CHD1L: variants seen among roughly 807,000 people sequenced by gnomAD.
CHD1L encodes chromodomain helicase DNA binding protein 1 like.
In CHD1L, 118 loss-of-function variants were observed where a neutral mutation model predicts 115.9. That is an observed-to-expected ratio of 1.02 (90% CI 0.88 to 1.19). The LOEUF (loss-of-function observed/expected upper bound fraction) is 1.19, where lower values mean the gene tolerates loss of function less well. Ranked by LOEUF, CHD1L falls within the 50% of genes most tolerant of loss-of-function variation. The pLI is 0.00. For missense variants in CHD1L, 1,179 were observed against 1,065.3 expected (o/e 1.11, Z -1.49); for synonymous variants, 411 against 387.1 (o/e 1.06, Z -0.72).
chr1:147,187,278 CAA>C, the CHD1L span: 1 of 1,483,346 alleles, frequency 6.7e-7, no homozygotes, highest in South Asian at 1.3e-5. Flanking sequence ...CATGGCCTGT[CAA>C]TAATTCAATC....
At chr1:147,276,637 T>C (rs1553958155) in intron 14 of CHD1L, among the ~76,000 whole-genome samples, 1 of 152,210 alleles carries the variant, frequency 6.6e-6, no homozygotes, top group African/African-American at 2.4e-5. Context: ...GTGACTTACA[T>C]TACTTCATAC....
the CHD1L span, among the ~76,000 whole-genome samples, chr1:147,185,699 C>A: frequency 6.6e-6 from 1 of 152,148 alleles, no homozygotes; most frequent in African/African-American, 2.4e-5. Context: ...AAGCAGCAAT[C>A]CAAATACAAA....
At chr1:147,227,062 C>G in the CHD1L span, among the ~76,000 whole-genome samples, 1 of 152,172 alleles carries the variant, frequency 6.6e-6, no homozygotes, top group Non-Finnish European at 1.5e-5. Context: ...CTCCTGGGCT[C>G]AAGTGATCCA....
At chr1:147,266,298 C>T (rs1466804509) in intron 8 of CHD1L, among the ~76,000 whole-genome samples, 1 of 152,082 alleles carries the variant, frequency 6.6e-6, no homozygotes, top group Admixed American at 6.5e-5. Flanking sequence ...TTCCTTTTCT[C>T]CCCTCACTCA....
At chr1:147,276,844 A>G (rs188485034) in intron 14 of CHD1L, among the ~76,000 whole-genome samples, 303 of 152,222 alleles carry the variant, frequency 2.0e-3, no homozygotes, top group Middle Eastern at 3.4e-3. Flanking sequence ...TAAAACTCAT[A>G]ATATTTCCTG....
chr1:147,192,974 T>G, the CHD1L span, among the ~76,000 whole-genome samples: 1 of 152,142 alleles, frequency 6.6e-6, no homozygotes, highest in Non-Finnish European at 1.5e-5. Flanking sequence ...TAAAATTCTT[T>G]TTTGTTGTGT....
chr1:147,179,002 C>T, the CHD1L span: 1 of 1,613,874 alleles, frequency 6.2e-7, no homozygotes, highest in Admixed American at 1.7e-5. Context: ...TGGGCACAAA[C>T]TCAACTTTGC....
chr1:147,253,231 C>A (rs1441128765), intron 2 of CHD1L, among the ~76,000 whole-genome samples: 6 of 152,062 alleles, frequency 3.9e-5, no homozygotes, highest in Non-Finnish European at 7.4e-5. Flanking sequence ...TAAATTCTTG[C>A]TAGAATTCAC....
At chr1:147,292,208 A>G (rs1685795424) in intron 20 of CHD1L, among the ~76,000 whole-genome samples, 1 of 152,188 alleles carries the variant, frequency 6.6e-6, no homozygotes, top group Non-Finnish European at 1.5e-5. Context: ...TGCATGAGTA[A>G]GAAGGCATGA....
the CHD1L span, among the ~76,000 whole-genome samples, chr1:147,227,021 G>T: frequency 6.6e-6 from 1 of 151,966 alleles, no homozygotes; most frequent in Non-Finnish European, 1.5e-5. Context: ...TAGAAATGAG[G>T]TTTCACTATG....
chr1:147,187,445 G>A, the CHD1L span, among the ~76,000 whole-genome samples: 5,611 of 152,226 alleles, frequency 0.037, 147 homozygotes, highest in South Asian at 0.095. Flanking sequence ...AACATGAAGC[G>A]AGACTTCTGA....
chr1:147,224,155 G>GACA, the CHD1L span: 1 of 293,172 alleles, frequency 3.4e-6, no homozygotes, highest in South Asian at 3.1e-5. Flanking sequence ...CCTGCACGAC[G>GACA]TTGCCTTCAC....
chr1:147,178,996 C>T, the CHD1L span: 2 of 1,613,642 alleles, frequency 1.2e-6, no homozygotes, highest in East Asian at 2.2e-5. Context: ...GGATGCTGGG[C>T]ACAAACTCAA....
Position 147,293,649 on chromosome 1 carries a change from C to G in CHD1L, c.2433C>G (p.Val811=). The G allele has an allele frequency of 6.2e-7, 1 of 1,614,148 alleles. No individual in the cohort carries two copies. ...CTCAGCATCGTGATCGTTCCAATGTCCTGTCTGGCATTAAGATGGCAGCCC... is the reference window on the plus strand; with the variant it reads ...CTCAGCATCGTGATCGTTCCAATGTGCTGTCTGGCATTAAGATGGCAGCCC... ...IVAQHRDRSN[V]LSGIKMAALE... is the part of the protein sequence containing the mutation. The change falls in exon 21 of 23, where the codon GTC becomes GTG. Residue 811 remains valine (V), a synonymous_variant. Coordinates refer to ENST00000369258, the MANE Select transcript of CHD1L (RefSeq NM_004284.6).
chr1:147,227,767 G>C, the CHD1L span, among the ~76,000 whole-genome samples: 1 of 152,130 alleles, frequency 6.6e-6, no homozygotes, highest in Non-Finnish European at 1.5e-5. Context: ...TGTGGAACTG[G>C]GTTTGCAGAG....
the CHD1L span, chr1:147,179,384 G>A: frequency 6.3e-7 from 1 of 1,599,386 alleles, no homozygotes; most frequent in Non-Finnish European, 8.6e-7. Flanking sequence ...GAGAAGCTCA[G>A]CAAAGACCTG....
chr1:147,190,146 A>C, the CHD1L span: 75 of 1,380,918 alleles, frequency 5.4e-5, no homozygotes, highest in Non-Finnish European at 7.6e-5. Flanking sequence ...GTAGAAATGT[A>C]ACCATATATC....
chr1:147,242,676 C>T (rs782533675), upstream of CHD1L: 41 of 1,264,692 alleles, frequency 3.2e-5, no homozygotes, highest in African/African-American at 5.9e-4. Flanking sequence ...CGCGCTTGGC[C>T]GCGCGGGGCG....
chr1:147,176,169 A>G, the CHD1L span: 1 of 152,190 alleles, frequency 6.6e-6, no homozygotes, highest in Admixed American at 6.5e-5. Flanking sequence ...ACAAGAGACT[A>G]CTCAACCATT....
Sources: gnomAD v4.1 joint callset for allele counts (sites outside exome capture counted in the v4.1 genomes callset) on GRCh38, gnomAD v4.1.1 for gene constraint, MANE v1.5 for transcripts, NCBI Gene and HGNC (gene_info 2026-07-23, HGNC 2026-07-21) for gene names.